Variants in COL23A1 observed in about 807,000 individuals in gnomAD.
COL23A1 encodes the protein collagen type XXIII alpha 1 chain, also known as collagen alpha-1(XXIII) chain.
A neutral mutation model predicts 99.3 loss-of-function variants in COL23A1; 97 were observed. The ratio of observed to expected loss-of-function variants is 0.98; its 90% CI spans 0.83 to 1.16. COL23A1 has a LOEUF of 1.16. COL23A1 is among the 50% of genes most tolerant of loss of function. The pLI is 0.00. For missense variants in COL23A1, 762 were observed against 757.4 expected, an observed-to-expected ratio of 1.01 and a Z score of -0.07; for synonymous variants, 320 against 308.2, an observed-to-expected ratio of 1.04 and a Z score of -0.40.
chr5:178,585,286 C>G (rs1763872949), intron 1 of COL23A1, among the ~76,000 whole-genome samples: 1 of 152,068 alleles, frequency 6.6e-6, no homozygotes, highest in Non-Finnish European at 1.5e-5. Flanking sequence ...CCCCAGCAGA[C>G]ACTGGGGTAA....
chr5:178,543,410 A>G (rs981611438), intron 2 of COL23A1, among the ~76,000 whole-genome samples: 2 of 152,060 alleles, frequency 1.3e-5, no homozygotes, highest in Non-Finnish European at 2.9e-5. Context: ...CCTGACCTAT[A>G]GTTGGTTTTT....
chr5:178,490,208 A>G (rs916928237), intron 2 of COL23A1, among the ~76,000 whole-genome samples: 1 of 152,158 alleles, frequency 6.6e-6, no homozygotes, highest in African/African-American at 2.4e-5. Context: ...CCTGGGCAAC[A>G]AGAGTGAAAT....
rs113613421 is a variant in COL23A1 at position 178,281,593 on chromosome 5, G to T, written c.441+6731C>A. On this transcript the variant is annotated intron_variant, in intron 5 of 28. Coordinates refer to ENST00000390654, the MANE Select transcript of COL23A1 (RefSeq NM_173465.4). The surrounding 1 kb of genome is among the most constrained non-coding windows in gnomAD (Gnocchi z 4.0). ...GGTGTGCTCAGAGCTGACCTGTGAC[G>T]CCTGCCAGCCCTCGTTTCTGTTAGT... is the stretch of plus-strand genomic sequence containing the variant. Among the ~76,000 whole-genome samples, 3,827 of 152,126 alleles carry T rather than the reference G, an allele frequency of 0.025. 59 individuals are homozygous for T. The highest frequency in any genetic ancestry group is 0.039 in the Non-Finnish European group (2,673 of 67,916).
chr5:178,557,905 C>T (rs984882354), intron 2 of COL23A1, among the ~76,000 whole-genome samples: 1 of 152,010 alleles, frequency 6.6e-6, no homozygotes, highest in African/African-American at 2.4e-5. Flanking sequence ...AGAGAAAGTG[C>T]AGGCATGGAC....
rs1010632914 is a variant in COL23A1 at position 178,242,110 on chromosome 5, C to T, written c.1513G>A (p.Gly505Ser). 39 of 1,553,436 alleles carry T rather than the reference C, an allele frequency of 2.5e-5. No homozygotes were observed. Among genetic ancestry groups the T allele is most frequent in the Middle Eastern group, 1.7e-4 (1 of 5,998 alleles). Reference sequence around the variant, plus strand: ...TTCTGGCCCTTCACTCCTTTCCGGCCGGGGACCCCTCGTTCTCCCTGTGCA... The same window carrying T: ...TTCTGGCCCTTCACTCCTTTCCGGCTGGGGACCCCTCGTTCTCCCTGTGCA... ...RGEKGERGVP[G>S]RKGVKGQKGE... Residue 505 changes from glycine to serine, a missense_variant, in exon 27 of 29, where the codon GGC becomes AGC. Coordinates refer to ENST00000390654, the MANE Select transcript of COL23A1 (RefSeq NM_173465.4).
intron 2 of COL23A1, among the ~76,000 whole-genome samples, chr5:178,444,704 G>A (rs745905338): frequency 5.3e-5 from 8 of 152,208 alleles, no homozygotes; most frequent in African/African-American, 1.2e-4. Flanking sequence ...GCTGAGGCAG[G>A]AGAATTGCTT....
chr5:178,486,956 G>C (rs1757664093), intron 2 of COL23A1, among the ~76,000 whole-genome samples: 1 of 152,120 alleles, frequency 6.6e-6, no homozygotes, highest in African/African-American at 2.4e-5. Flanking sequence ...CCCCACCCTC[G>C]GCCACATCAA....
chr5:178,245,475 CCATCATCCATT>C (rs913505515), intron 25 of COL23A1, among the ~76,000 whole-genome samples: 3 of 151,514 alleles, frequency 2.0e-5, no homozygotes, highest in African/African-American at 7.3e-5. Flanking sequence ...ACCCATCCAT[CCATCATCCATT>C]CATCATCCAC....
rs906501291 is a variant in COL23A1 at position 178,470,892 on chromosome 5, C to T, written c.361+89790G>A. Among the ~76,000 whole-genome samples, 3 of 152,242 alleles carry T rather than the reference C, an allele frequency of 2.0e-5. No individual in the cohort carries two copies. In the East Asian group the frequency reaches 5.8e-4, roughly 29 times the overall value. On this transcript the variant is annotated intron_variant, in intron 2 of 28. Transcript: ENST00000390654. ...AAGGCTGCTGCGGTCACCTGGGAACCCTCAGGAGCCCCAGAGTGTGCACTT... is the reference window on the plus strand; with the variant it reads ...AAGGCTGCTGCGGTCACCTGGGAACTCTCAGGAGCCCCAGAGTGTGCACTT...
intron 2 of COL23A1, among the ~76,000 whole-genome samples, chr5:178,403,140 A>AAAAC (rs1651539889): frequency 6.8e-6 from 1 of 147,952 alleles, no homozygotes; most frequent in Non-Finnish European, 1.5e-5. Flanking sequence ...ATAAAAAATA[A>AAAAC]ATACCATTTA....
intron 2 of COL23A1, among the ~76,000 whole-genome samples, chr5:178,374,688 C>T (rs1762978600): frequency 6.6e-6 from 1 of 152,134 alleles, no homozygotes; most frequent in Non-Finnish European, 1.5e-5. Context: ...TTCCCACCTG[C>T]TAGGATGGCT....
intron 2 of COL23A1, among the ~76,000 whole-genome samples, chr5:178,363,172 G>C: frequency 6.6e-6 from 1 of 152,000 alleles, no homozygotes; most frequent in Non-Finnish European, 1.5e-5. Context: ...TAGGGAGTCA[G>C]ACAACATAAC....
At chr5:178,372,625 T>G (rs1581252490) in intron 2 of COL23A1, among the ~76,000 whole-genome samples, 2 of 152,104 alleles carry the variant, frequency 1.3e-5, no homozygotes, top group Non-Finnish European at 2.9e-5. Flanking sequence ...CAGGCTGGAG[T>G]GCAGTGGTGA....
chr5:178,246,231 G>T (rs1397882570), intron 24 of COL23A1, 23 bp downstream of exon 24: 1 of 1,552,898 alleles, frequency 6.4e-7, no homozygotes, highest in East Asian at 2.4e-5. Context: ...GGTTGGAGAG[G>T]GAGTTCCGAA....
chr5:178,576,868 G>A (rs1763391312), intron 1 of COL23A1, among the ~76,000 whole-genome samples: 1 of 151,756 alleles, frequency 6.6e-6, no homozygotes, highest in South Asian at 2.1e-4. Context: ...GCGCACGGGA[G>A]GCCGCCTGGG....
At chr5:178,349,685 C>T (rs1014751989) in intron 2 of COL23A1, among the ~76,000 whole-genome samples, 1 of 152,200 alleles carries the variant, frequency 6.6e-6, no homozygotes, top group Non-Finnish European at 1.5e-5. Context: ...AAGATGGACT[C>T]CACACCAGAG....
chr5:178,506,678 CTTAA>C (rs1362198533), intron 2 of COL23A1, among the ~76,000 whole-genome samples: 1 of 152,194 alleles, frequency 6.6e-6, no homozygotes, highest in Admixed American at 6.5e-5. Flanking sequence ...CAAGATTTTA[CTTAA>C]TTTATACTTC....
chr5:178,302,320 T>C (rs554702425), intron 3 of COL23A1, among the ~76,000 whole-genome samples: 94 of 143,674 alleles, frequency 6.5e-4, no homozygotes, highest in Non-Finnish European at 1.0e-3. Flanking sequence ...CACCTCTGTG[T>C]GCGCCGGAGC....
chr5:178,275,911 G>C (rs898128592), intron 5 of COL23A1, among the ~76,000 whole-genome samples: 1 of 152,058 alleles, frequency 6.6e-6, no homozygotes, highest in South Asian at 2.1e-4. Flanking sequence ...GAACTCCTTG[G>C]GGGGATGGAT....
Sources: gnomAD v4.1 joint callset for allele counts (sites outside exome capture counted in the v4.1 genomes callset) on GRCh38, gnomAD v4.1.1 for gene constraint, Gnocchi (gnomAD v3.1) non-coding constraint, MANE v1.5 for transcripts, NCBI Gene and HGNC (gene_info 2026-07-23, HGNC 2026-07-21) for gene names.